Variants in MCTP2 observed in about 807,000 individuals in gnomAD.
MCTP2 encodes the protein multiple C2 and transmembrane domain-containing protein 2.
Under a neutral mutation model 111.6 loss-of-function variants are expected in MCTP2, and 132 were observed. The ratio of observed to expected loss-of-function variants is 1.18; its 90% CI spans 1.03 to 1.37. The LOEUF is 1.37. Among genes scored for constraint, MCTP2 ranks in the 40% most tolerant of loss-of-function variants. MCTP2 has a pLI of 0.00. For synonymous variants in MCTP2, 395 were observed against 387.7 expected, an observed-to-expected ratio of 1.02 and a Z score of -0.22; for missense variants, 1,183 against 1,067.9, an observed-to-expected ratio of 1.11 and a Z score of -1.50.
chr15:94,462,153 TG>T (rs2085255138), intron 20 of MCTP2, among the ~76,000 whole-genome samples: 1 of 152,176 alleles, frequency 6.6e-6, no homozygotes, highest in Admixed American at 6.5e-5. Context: ...GTCAGTGCAG[TG>T]GGGCAGCCAG....
At chr15:94,444,054 CAAG>C (rs1309770131) in intron 19 of MCTP2, among the ~76,000 whole-genome samples, 2 of 146,364 alleles carry the variant, frequency 1.4e-5, no homozygotes, top group Non-Finnish European at 3.0e-5. Context: ...GTGATAACTG[CAAG>C]TCTAGGCCTC....
intron 4 of MCTP2, among the ~76,000 whole-genome samples, chr15:94,326,735 T>G (rs1323369422): frequency 1.7e-4 from 26 of 151,546 alleles, no homozygotes; most frequent in Admixed American, 1.6e-3. Context: ...GCCTGGCTAA[T>G]TTTTGTGTTT....
intron 10 of MCTP2, among the ~76,000 whole-genome samples, chr15:94,363,814 T>C (rs2079055140): frequency 6.6e-6 from 1 of 152,182 alleles, no homozygotes; most frequent in Non-Finnish European, 1.5e-5. Flanking sequence ...TCTGAACGAC[T>C]GTCCAAAGAC....
chr15:94,268,296 T>A (rs2073700717), intron 1 of MCTP2, among the ~76,000 whole-genome samples: 2 of 150,586 alleles, frequency 1.3e-5, no homozygotes, highest in Non-Finnish European at 3.0e-5. Flanking sequence ...TTCTCCTGCC[T>A]CAGCCTCCTG....
chr15:94,285,017 G>C (rs1380757221), intron 1 of MCTP2, among the ~76,000 whole-genome samples: 1 of 152,084 alleles, frequency 6.6e-6, no homozygotes, highest in East Asian at 1.9e-4. Flanking sequence ...TCTCAGCTTT[G>C]GTAATTCTCT....
At chr15:94,428,823 A>G (rs2083016287) in intron 17 of MCTP2, among the ~76,000 whole-genome samples, 1 of 151,996 alleles carries the variant, frequency 6.6e-6, no homozygotes, top group East Asian at 1.9e-4. Flanking sequence ...CCTTTATACC[A>G]TTCCTCACCA....
At chr15:94,439,605 G>T (rs16949129) in intron 17 of MCTP2, among the ~76,000 whole-genome samples, 1 of 152,112 alleles carries the variant, frequency 6.6e-6, no homozygotes, top group African/African-American at 2.4e-5. Context: ...GCCTTTCTAT[G>T]TGAGGAGTCA....
intron 17 of MCTP2, among the ~76,000 whole-genome samples, chr15:94,411,751 C>T (rs1357453871): frequency 2.0e-5 from 3 of 150,066 alleles, no homozygotes; most frequent in Admixed American, 1.3e-4. Context: ...CTCACGTATA[C>T]AAAAAAAAAG....
At chr15:94,450,232 C>A (rs1033980472) in intron 19 of MCTP2, among the ~76,000 whole-genome samples, 8 of 152,196 alleles carry the variant, frequency 5.3e-5, no homozygotes, top group African/African-American at 1.7e-4. Context: ...ATTTTATATT[C>A]ATTTCCCAAA....
intron 1 of MCTP2, among the ~76,000 whole-genome samples, chr15:94,242,143 A>G (rs887131132): frequency 6.6e-6 from 1 of 152,150 alleles, no homozygotes; most frequent in African/African-American, 2.4e-5. Flanking sequence ...ATGAAGGCCT[A>G]TGCTATGGCT....
At chr15:94,425,905 C>A (rs991869689) in intron 17 of MCTP2, among the ~76,000 whole-genome samples, 1 of 152,096 alleles carries the variant, frequency 6.6e-6, no homozygotes, top group Non-Finnish European at 1.5e-5. Flanking sequence ...AAGGCTCAGG[C>A]AACTTTAGAG....
intron 4 of MCTP2, among the ~76,000 whole-genome samples, chr15:94,318,533 A>G (rs1283055579): frequency 2.0e-5 from 3 of 152,270 alleles, no homozygotes; most frequent in South Asian, 2.1e-4. Context: ...TTGGCCTCCC[A>G]AAGTGCTAGG....
chr15:94,399,677 C>T, intron 15 of MCTP2: 1 of 395,556 alleles, frequency 2.5e-6, no homozygotes, highest in Admixed American at 4.1e-5. Context: ...GAAAATACCC[C>T]CAAGGAATGA....
chr15:94,389,966 T>G (rs2152460942), intron 14 of MCTP2, among the ~76,000 whole-genome samples: 1 of 151,204 alleles, frequency 6.6e-6, no homozygotes, highest in Admixed American at 6.6e-5. Flanking sequence ...CACTATATCT[T>G]TTTAATCAAG....
intron 17 of MCTP2, among the ~76,000 whole-genome samples, chr15:94,410,220 G>A (rs1439084517): frequency 1.3e-5 from 2 of 152,128 alleles, no homozygotes; most frequent in Non-Finnish European, 2.9e-5. Flanking sequence ...ACACACTCAT[G>A]TGCTATTTCA....
At chr15:94,329,079 T>C (rs1007857332) in intron 4 of MCTP2, among the ~76,000 whole-genome samples, 2 of 152,200 alleles carry the variant, frequency 1.3e-5, no homozygotes, top group African/African-American at 4.8e-5. Flanking sequence ...TCTTTTATGA[T>C]GCAGCCTTGG....
intron 1 of MCTP2, among the ~76,000 whole-genome samples, chr15:94,240,277 C>T (rs554902928): frequency 1.3e-5 from 2 of 152,280 alleles, no homozygotes; most frequent in South Asian, 4.1e-4. Context: ...GAAGGGAACA[C>T]TGAGACTCAG....
At chr15:94,458,023 C>A (rs1424605360) in intron 19 of MCTP2, 114 bp from the exon 20 acceptor site, 1 of 627,006 alleles carries the variant, frequency 1.6e-6, no homozygotes, top group Non-Finnish European at 2.8e-6. Flanking sequence ...TGATTTATCT[C>A]TTGTGTCACT....
intron 1 of MCTP2, among the ~76,000 whole-genome samples, chr15:94,242,624 C>G (rs1170537804): frequency 1.3e-5 from 2 of 151,946 alleles, no homozygotes; most frequent in African/African-American, 2.4e-5. Flanking sequence ...TTTTAAAAAT[C>G]TAGTCTATTT....
Sources: gnomAD v4.1 joint callset for allele counts (sites outside exome capture counted in the v4.1 genomes callset) on GRCh38, gnomAD v4.1.1 for gene constraint, MANE v1.5 for transcripts, NCBI Gene and HGNC (gene_info 2026-07-23, HGNC 2026-07-21) for gene names.